The following BASP1 variants were observed in gnomAD, a reference collection of about 807,000 sequenced individuals.
BASP1 encodes the protein brain acid soluble protein 1.
In BASP1, 1 loss-of-function variant was observed where a neutral mutation model predicts 2.2. The ratio of observed to expected loss-of-function variants is 0.46; its 90% CI spans 0.16 to 2.17. BASP1 has a LOEUF of 2.17. Among genes scored for constraint, BASP1 ranks in the 30% most tolerant of loss-of-function variants. The pLI is 0.27. For synonymous variants in BASP1, 187 were observed against 154.2 expected (o/e 1.21, Z -1.58); for missense variants, 352 against 327.2 (o/e 1.08, Z -0.58).
chr5:17,221,330 A>G (rs1739389374), intron 1 of BASP1, among the ~76,000 whole-genome samples: 1 of 149,470 alleles, frequency 6.7e-6, no homozygotes, highest in African/African-American at 2.5e-5. Flanking sequence ...GATTTATAAA[A>G]TTGTTCTGTC....
intron 1 of BASP1, among the ~76,000 whole-genome samples, chr5:17,252,327 C>T (rs1019930247): frequency 6.6e-6 from 1 of 152,184 alleles, no homozygotes; most frequent in African/African-American, 2.4e-5. Flanking sequence ...ACCATGTAAT[C>T]TGCTCAAGAG....
At chr5:17,244,406 T>C (rs1478939101) in intron 1 of BASP1, among the ~76,000 whole-genome samples, 2 of 152,220 alleles carry the variant, frequency 1.3e-5, no homozygotes, top group Non-Finnish European at 2.9e-5. Context: ...TAAGGATCCC[T>C]AATGCATGAG....
intron 1 of BASP1, among the ~76,000 whole-genome samples, chr5:17,230,634 T>G (rs298523): frequency 0.37 from 55,577 of 151,806 alleles, 10,565 homozygotes; most frequent in African/African-American, 0.45. Flanking sequence ...TGTGATCTCA[T>G]CTCACTGCAA....
At chr5:17,234,106 G>T (rs906259418) in intron 1 of BASP1, among the ~76,000 whole-genome samples, 1 of 152,126 alleles carries the variant, frequency 6.6e-6, no homozygotes, top group Non-Finnish European at 1.5e-5. Context: ...ACTCCAGCCT[G>T]CACGACAGAG....
At chr5:17,222,313 G>A (rs967151405) in intron 1 of BASP1, among the ~76,000 whole-genome samples, 10 of 152,126 alleles carry the variant, frequency 6.6e-5, no homozygotes, top group African/African-American at 2.4e-4. Flanking sequence ...CCCCAGGTCT[G>A]CTTATACTTA....
chr5:17,223,793 T>C (rs1739436811), intron 1 of BASP1, among the ~76,000 whole-genome samples: 1 of 152,212 alleles, frequency 6.6e-6, no homozygotes, highest in South Asian at 2.1e-4. Context: ...TGTTGTGTCT[T>C]GAATCAGATG....
chr5:17,228,939 G>T (rs545226726), intron 1 of BASP1, among the ~76,000 whole-genome samples: 1 of 152,298 alleles, frequency 6.6e-6, no homozygotes, highest in South Asian at 2.1e-4. Context: ...AAGGGGAGTG[G>T]AAGAAACCCA....
intron 1 of BASP1, among the ~76,000 whole-genome samples, chr5:17,264,058 C>T (rs1478165255): frequency 6.6e-6 from 1 of 152,182 alleles, no homozygotes; most frequent in Non-Finnish European, 1.5e-5. Context: ...CGACAGAGCA[C>T]ATACTGGTTG....
intron 1 of BASP1, among the ~76,000 whole-genome samples, chr5:17,239,868 C>T (rs1352182793): frequency 1.3e-5 from 2 of 152,036 alleles, no homozygotes; most frequent in Non-Finnish European, 2.9e-5. Flanking sequence ...AAATTTTATC[C>T]TGGTAGCATG....
chr5:17,250,498 C>T (rs1314104453), intron 1 of BASP1, among the ~76,000 whole-genome samples: 2 of 152,192 alleles, frequency 1.3e-5, no homozygotes, highest in Non-Finnish European at 2.9e-5. Context: ...TGATTCTATA[C>T]TCCAAATACT....
chr5:17,244,949 A>G (rs1001747929), intron 1 of BASP1, among the ~76,000 whole-genome samples: 57 of 145,548 alleles, frequency 3.9e-4, no homozygotes, highest in Non-Finnish European at 6.5e-4. Flanking sequence ...TGCTGGGATT[A>G]CAGGCGTGAG....
At chr5:17,248,888 C>G (rs946634186) in intron 1 of BASP1, among the ~76,000 whole-genome samples, 1 of 152,144 alleles carries the variant, frequency 6.6e-6, no homozygotes, top group Non-Finnish European at 1.5e-5. Context: ...TCCCTTTGTA[C>G]CACCACTCCA....
intron 1 of BASP1, among the ~76,000 whole-genome samples, chr5:17,232,949 T>C (rs1739663830): frequency 6.6e-6 from 1 of 152,240 alleles, no homozygotes; most frequent in Non-Finnish European, 1.5e-5. Context: ...TTTCTTTTGC[T>C]GATTCTTATT....
rs1048373781 is a variant in BASP1, at chr5:17,263,497, C to T, written c.-9-11711C>T. 2.6e-5 allele frequency among the ~76,000 whole-genome samples: 4 copies of T among 152,264 alleles called. No individual in the cohort carries two copies. In the East Asian group the frequency reaches 5.8e-4, roughly 22 times the overall value. On this transcript the variant is annotated intron_variant, in intron 1 of 1. Transcript: ENST00000322611. ...AATTAAGGTAATGAACATTGCTCAC[C>T]TCAGATATTTATGCATTTTGGATTT...
At chr5:17,257,321 A>AC (rs1740234183) in intron 1 of BASP1, among the ~76,000 whole-genome samples, 1 of 63,850 alleles carries the variant, frequency 1.6e-5, no homozygotes, top group Non-Finnish European at 3.0e-5. Flanking sequence ...TTAAAAAACA[A>AC]AACAAAAAGA....
rs749142689 is a variant in BASP1, at chr5:17,251,901, C to G, written c.-9-23307C>G. On this transcript the variant is annotated intron_variant, in intron 1 of 1. Transcript: ENST00000322611. This position sits in a 1 kb window ranked among gnomAD's most constrained non-coding sequence, Gnocchi z 4.0. ...TGGGTCAGTTGTAGACCACTATGTG[C>G]ATGAGTCTGAAGCTCAAGAAATAAT... 2.6e-5 allele frequency among the ~76,000 whole-genome samples: 4 copies of G among 152,066 alleles called. No individual in the cohort carries two copies. The highest frequency in any genetic ancestry group is 5.9e-5 in the Non-Finnish European group (4 of 68,018).
chr5:17,242,043 C>T, intron 1 of BASP1, among the ~76,000 whole-genome samples: 1 of 152,146 alleles, frequency 6.6e-6, no homozygotes, highest in East Asian at 1.9e-4. Flanking sequence ...CTCTCTCATT[C>T]ACGTCTATTC....
At position 17,275,290 on chromosome 5, in the gene BASP1, A is replaced by G. The variant is rs1740610467; in HGVS notation, c.74A>G (p.Lys25Arg). 13 of 1,613,990 alleles carry G rather than the reference A, an allele frequency of 8.1e-6. No individual in the cohort carries two copies. The highest frequency in any genetic ancestry group is 1.1e-5 in the Non-Finnish European group (13 of 1,179,984). Residue 25 changes from lysine to arginine, a missense_variant, in exon 2 of 2, where the codon AAG becomes AGG. By Grantham distance (26) the Lys-to-Arg change is conservative. Coordinates refer to ENST00000322611, the MANE Select transcript of BASP1 (RefSeq NM_006317.5). The surrounding 1 kb of genome is among the most constrained non-coding windows in gnomAD (Gnocchi z 5.3). ...NDEKAKEKDKKAEGAATEEEG... is the reference protein window; with the variant it reads ...NDEKAKEKDKRAEGAATEEEG... Reference sequence around the variant, plus strand: ...GAGAAAGCCAAGGAGAAAGACAAGAAGGCCGAGGGCGCGGCGACGGAAGAG... The same window carrying G: ...GAGAAAGCCAAGGAGAAAGACAAGAGGGCCGAGGGCGCGGCGACGGAAGAG...
chr5:17,241,792 A>T (rs942480098), intron 1 of BASP1, among the ~76,000 whole-genome samples: 22 of 152,152 alleles, frequency 1.4e-4, no homozygotes, highest in Non-Finnish European at 5.9e-5. Context: ...ACCTGTGGGG[A>T]CAGTTCACAG....
Sources: allele counts gnomAD v4.1 joint callset (sites outside exome capture counted in the v4.1 genomes callset), GRCh38; gene constraint gnomAD v4.1.1; non-coding constraint Gnocchi (gnomAD v3.1); transcripts MANE v1.5; gene names NCBI Gene and HGNC (gene_info 2026-07-23, HGNC 2026-07-21).